AP5M1: variants seen among roughly 807,000 people sequenced by gnomAD.
The protein encoded by AP5M1 is adaptor related protein complex 5 subunit mu 1, also known as AP-5 complex subunit mu-1.
AP5M1 carries 44 observed loss-of-function variants against 52.3 expected under a neutral mutation model. That is an observed-to-expected ratio of 0.84 (90% confidence interval 0.66 to 1.08). AP5M1 has a LOEUF of 1.08. Ranked by LOEUF, AP5M1 falls within the 50% of genes least tolerant of loss-of-function variation. The pLI, the probability that AP5M1 is intolerant of heterozygous loss-of-function variation, is 0.00. For missense variants in AP5M1, 526 were observed against 568.4 expected (o/e 0.93, Z 0.76); for synonymous variants, 213 against 199.0 (o/e 1.07, Z -0.59).
rs965220928 is a variant in AP5M1 at position 57,269,007 on chromosome 14, T to G, written c.-308T>G. 3.6e-6 allele frequency: 2 copies of G among 555,202 alleles called. No individual in the cohort carries two copies. The highest frequency in any genetic ancestry group is 3.9e-5 in the African/African-American group (2 of 51,812). 34.4% of individuals were successfully genotyped at this position (555,202 alleles called of 1,614,324 possible). A position where few individuals can be genotyped will look rare whatever the true frequency, so the allele number is the denominator to read the frequency against. On this transcript the variant is annotated 5_prime_UTR_variant, in exon 1 of 8. Transcript: ENST00000261558. Reference sequence around the variant, plus strand: ...TACCGTGTATGAGGAACTTTGATCCTTGCGGGCCACCATTCCGGAAGTAGA... The same window carrying G: ...TACCGTGTATGAGGAACTTTGATCCGTGCGGGCCACCATTCCGGAAGTAGA...
At position 57,272,992 on chromosome 14, in the gene AP5M1, T is replaced by TCTCGG. The variant is rs368746030; in HGVS notation, c.75-1233_75-1229dup. 2.5e-3 allele frequency among the ~76,000 whole-genome samples: 384 copies of TCTCGG among 152,118 alleles called. 2 individuals are homozygous for TCTCGG. Among genetic ancestry groups the TCTCGG allele is most frequent in the African/African-American group, 8.2e-3 (342 of 41,476 alleles). ...CCCAGGGTGGAGTGCAGTGTCACAA[T>TCTCGG]CTCGGCTCGGCTCGGCTCGGCTCAT... On this transcript the variant is annotated intron_variant, in intron 1 of 7. Transcript: ENST00000261558.
Position 57,280,090 on chromosome 14 carries a change from G to A in AP5M1, c.721-105G>A, listed in dbSNP as rs1247289119. The A allele has an allele frequency of 8.5e-6, 7 of 821,582 alleles. 1 individual carries two copies. Among genetic ancestry groups the A allele is most frequent in the Non-Finnish European group, 1.4e-5 (7 of 491,910 alleles). The allele number at this position is 821,582 out of a possible 1,614,324, so 50.9% of individuals were successfully genotyped here. On this transcript the variant is annotated intron_variant, in intron 2 of 7. Transcript: ENST00000261558. ...GAAAGCAAAGAGAACAATACCTAGA[G>A]AAAAGTGAGTTAATTGGGGAAAATG... is the stretch of plus-strand genomic sequence containing the variant.
At position 57,295,097 on chromosome 14, in the gene AP5M1, G is replaced by A. The variant is rs1188789650; in HGVS notation, c.*6213G>A. On this transcript the variant is annotated 3_prime_UTR_variant, in exon 8 of 8. Coordinates refer to ENST00000261558, the MANE Select transcript of AP5M1 (RefSeq NM_018229.4). ...GGAAATACGTGAGTTGTTCATTTCA[G>A]TACACCCATAGTTTCTCAACAGGTG... 1 of 151,876 alleles carries A rather than the reference G, an allele frequency of 6.6e-6. No homozygotes were observed. The highest frequency in any genetic ancestry group is 1.5e-5 in the Non-Finnish European group (1 of 67,868). 9.4% of individuals were successfully genotyped at this position (151,876 alleles called of 1,614,324 possible).
chr14:57,273,829 C>T, intron 1 of AP5M1: 1 of 675,406 alleles, frequency 1.5e-6, no homozygotes, highest in South Asian at 1.6e-5. Flanking sequence ...TTAAATTGAA[C>T]CACTTTGTTA....
intron 4 of AP5M1, 112 bp from the exon 5 acceptor site, chr14:57,282,822 G>T: frequency 1.6e-6 from 1 of 606,862 alleles, no homozygotes; most frequent in South Asian, 2.7e-5. Flanking sequence ...CTTGAATACA[G>T]ATCTGCTTTT....
chr14:57,279,666 C>T (rs1200946275), intron 2 of AP5M1, among the ~76,000 whole-genome samples: 1 of 152,118 alleles, frequency 6.6e-6, no homozygotes, highest in Non-Finnish European at 1.5e-5. Context: ...ACATCCTGCA[C>T]ATGTACCCTG....
Position 57,289,115 on chromosome 14 carries a change from A to T in AP5M1, c.*231A>T, listed in dbSNP as rs1243663058. Reference sequence around the variant, plus strand: ...ATTTTATGCCAGTATAATTCAGAACATAGAAAAGTAATGATTCACTTGGGC... The same window carrying T: ...ATTTTATGCCAGTATAATTCAGAACTTAGAAAAGTAATGATTCACTTGGGC... On this transcript the variant is annotated 3_prime_UTR_variant, in exon 8 of 8. Transcript: ENST00000261558. 3.4e-6 allele frequency: 1 copy of T among 296,804 alleles called. No homozygotes were observed. Among genetic ancestry groups the T allele is most frequent in the Non-Finnish European group, 6.2e-6 (1 of 160,554 alleles). The allele number at this position is 296,804 out of a possible 1,614,324, so 18.4% of individuals were successfully genotyped here.
At chr14:57,279,495 C>T (rs1258011265) in intron 2 of AP5M1, among the ~76,000 whole-genome samples, 1 of 152,040 alleles carries the variant, frequency 6.6e-6, no homozygotes. Context: ...CACATGGTCA[C>T]AAGCGGGGAA....
In AP5M1 at chr14:57,291,958, T is replaced by A. The variant is rs1885446943; in HGVS notation, c.*3074T>A. On this transcript the variant is annotated 3_prime_UTR_variant, in exon 8 of 8. Coordinates refer to ENST00000261558, the MANE Select transcript of AP5M1 (RefSeq NM_018229.4). Reference sequence around the variant, plus strand: ...CAAAAAAAGGGGTGTTAATAAACAGTCCTCAGGTTTAAGGGACTTTTTTAG... The same window carrying A: ...CAAAAAAAGGGGTGTTAATAAACAGACCTCAGGTTTAAGGGACTTTTTTAG... 6.6e-6 allele frequency: 1 copy of A among 151,822 alleles called. No individual in the cohort carries two copies. Among genetic ancestry groups the A allele is most frequent in the Non-Finnish European group, 1.5e-5 (1 of 67,836 alleles). The allele number at this position is 151,822 out of a possible 1,614,324, so 9.4% of individuals were successfully genotyped here.
intron 4 of AP5M1, among the ~76,000 whole-genome samples, 161 bp downstream of exon 4, chr14:57,282,389 CTG>C (rs1369436750): frequency 6.6e-6 from 1 of 152,054 alleles, no homozygotes; most frequent in Non-Finnish European, 1.5e-5. Flanking sequence ...TAAAAATAAT[CTG>C]TTTACCTTTA....
chr14:57,291,150 CTA>C lies in AP5M1; in HGVS notation c.*2268_*2269del, dbSNP rs1885426364. 6.6e-6 allele frequency: 1 copy of C among 151,900 alleles called. No individual in the cohort carries two copies. The highest frequency in any genetic ancestry group is 1.5e-5 in the Non-Finnish European group (1 of 67,894). 9.4% of individuals were successfully genotyped at this position (151,900 alleles called of 1,614,324 possible). A position where few individuals can be genotyped will look rare whatever the true frequency, so the allele number is the denominator to read the frequency against. ...AATCATTTTCTAAAAAATTATCTCACTATGGATTTTATTCATTTTCTTTGATA... is the reference window on the plus strand; with the variant it reads ...AATCATTTTCTAAAAAATTATCTCACTGGATTTTATTCATTTTCTTTGATA... On this transcript the variant is annotated 3_prime_UTR_variant, in exon 8 of 8. Transcript: ENST00000261558.
chr14:57,282,900 G>C, intron 4 of AP5M1, 34 bp from the exon 5 acceptor site: 1 of 1,419,284 alleles, frequency 7.0e-7, no homozygotes, highest in Non-Finnish European at 9.7e-7. Flanking sequence ...TTATATCTAT[G>C]ATCTTTTTCT....
intron 5 of AP5M1, 21 bp from the exon 6 acceptor site, chr14:57,283,091 A>T (rs1885224390): frequency 6.3e-7 from 1 of 1,587,062 alleles, no homozygotes; most frequent in Admixed American, 1.7e-5. Flanking sequence ...AGAATTGTTT[A>T]TTGGTATATT....
rs1884818027 is a variant in AP5M1 at position 57,269,362 on chromosome 14, A to C, written c.48A>C (p.Pro16=). The C allele has an allele frequency of 1.2e-6, 2 of 1,614,162 alleles. No homozygotes were observed. Among genetic ancestry groups the C allele is most frequent in the Admixed American group, 1.7e-5 (1 of 60,020 alleles). The change falls in exon 1 of 8, where the codon CCA becomes CCC. Residue 16 remains proline, a synonymous_variant. Coordinates refer to ENST00000261558, the MANE Select transcript of AP5M1 (RefSeq NM_018229.4). ...VWLISHEPGT[P]LCGTVRFSRR... ...TCATAAGCCACGAACCGGGAACTCC[A>C]CTTTGTGGCACCGTGAGATTCTCCA...
intron 3 of AP5M1, among the ~76,000 whole-genome samples, 173 bp downstream of exon 3, chr14:57,280,595 A>G (rs1267866668): frequency 9.9e-5 from 15 of 152,208 alleles, no homozygotes; most frequent in Admixed American, 9.8e-4. Context: ...CATGCCTGTA[A>G]TCCCAGCAGT....
intron 2 of AP5M1, among the ~76,000 whole-genome samples, chr14:57,277,130 GTGC>G (rs1795047707): frequency 7.3e-6 from 1 of 136,996 alleles, no homozygotes; most frequent in Non-Finnish European, 1.5e-5. Flanking sequence ...AAACTCTTAG[GTGC>G]CTTTTTTTTT....
Position 57,290,814 on chromosome 14 carries a change from C to T in AP5M1, c.*1930C>T, listed in dbSNP as rs558363214. On this transcript the variant is annotated 3_prime_UTR_variant, in exon 8 of 8. Coordinates refer to ENST00000261558, the MANE Select transcript of AP5M1 (RefSeq NM_018229.4). The stretch of plus-strand genomic sequence containing the variant: ...TTTGATTTTGTCTAGAAACCTGTCA[C>T]TTCAGGATAATTTCTGAAGACAAAG... 6.6e-6 allele frequency: 1 copy of T among 152,064 alleles called. No individual in the cohort carries two copies. Among genetic ancestry groups the T allele is most frequent in the South Asian group, 2.1e-4 (1 of 4,830 alleles). 9.4% of individuals were successfully genotyped at this position (152,064 alleles called of 1,614,324 possible).
At chr14:57,282,855 C>A in intron 4 of AP5M1, 79 bp from the exon 5 acceptor site, 1 of 880,822 alleles carries the variant, frequency 1.1e-6, no homozygotes, top group Non-Finnish European at 1.8e-6. Flanking sequence ...TATTAAGTAA[C>A]AGTGGCCAAG....
At chr14:57,269,485 G>C in intron 1 of AP5M1, 97 bp downstream of exon 1, 2 of 1,223,466 alleles carry the variant, frequency 1.6e-6, no homozygotes, top group Non-Finnish European at 2.4e-6. Flanking sequence ...GCCACGAATA[G>C]CTGCGTGACC....
Sources: allele counts gnomAD v4.1 joint callset (sites outside exome capture counted in the v4.1 genomes callset), GRCh38; gene constraint gnomAD v4.1.1; transcripts MANE v1.5; gene names NCBI Gene and HGNC (gene_info 2026-07-23, HGNC 2026-07-21).